DPP6: variants seen among roughly 807,000 people sequenced by gnomAD.
DPP6 encodes the protein A-type potassium channel modulatory protein DPP6.
DPP6 carries 69 observed loss-of-function variants against 122.6 expected under a neutral mutation model. That is an observed-to-expected ratio of 0.56 (90% CI 0.46 to 0.69). DPP6 has a LOEUF of 0.69. Among genes scored for constraint, DPP6 ranks in the 30% least tolerant of loss-of-function variants. DPP6 has a pLI of 0.00. For missense variants in DPP6, 928 were observed against 1,116.9 expected (o/e 0.83, Z 2.41); for synonymous variants, 418 against 433.1 (o/e 0.97, Z 0.43).
chr7:153,808,021 C>G, the DPP6 span, among the ~76,000 whole-genome samples: 5 of 152,046 alleles, frequency 3.3e-5, no homozygotes, highest in Admixed American at 6.5e-5. Flanking sequence ...GAACAGGCTT[C>G]CCACTGGCTC....
At chr7:153,819,825 G>T in the DPP6 span, among the ~76,000 whole-genome samples, 1 of 152,080 alleles carries the variant, frequency 6.6e-6, no homozygotes, top group East Asian at 1.9e-4. Flanking sequence ...AATGTAGTTT[G>T]ATCAGTATTT....
chr7:154,595,799 G>A (rs186918233), intron 5 of DPP6, among the ~76,000 whole-genome samples: 102 of 152,320 alleles, frequency 6.7e-4, no homozygotes, highest in East Asian at 6.0e-3. Context: ...AGTGGCTCAC[G>A]CCTGTAATCC....
At chr7:154,212,019 C>T (rs987647140) in intron 1 of DPP6, among the ~76,000 whole-genome samples, 2 of 152,146 alleles carry the variant, frequency 1.3e-5, no homozygotes, top group African/African-American at 2.4e-5. Flanking sequence ...CACTGGGCAT[C>T]GGGGACAGGC....
intron 6 of DPP6, among the ~76,000 whole-genome samples, chr7:154,640,456 A>G (rs1836003027): frequency 7.5e-6 from 1 of 132,862 alleles, no homozygotes; most frequent in Non-Finnish European, 1.7e-5. Flanking sequence ...TCACCATGTC[A>G]CTGAACACAG....
At chr7:153,998,536 A>T (rs1005648479) in intron 1 of DPP6, among the ~76,000 whole-genome samples, 4 of 152,216 alleles carry the variant, frequency 2.6e-5, no homozygotes, top group African/African-American at 9.6e-5. Context: ...GCTAGACCTT[A>T]GTATCTAGGG....
At chr7:154,317,262 T>C (rs10215728) in intron 1 of DPP6, among the ~76,000 whole-genome samples, 88,673 of 151,526 alleles carry the variant, frequency 0.59, 26,388 homozygotes, top group South Asian at 0.67. Flanking sequence ...TTTGGGAGGC[T>C]GAGGCGGGCG....
At chr7:154,301,583 T>C (rs1201385396) in intron 1 of DPP6, among the ~76,000 whole-genome samples, 6 of 152,148 alleles carry the variant, frequency 3.9e-5, no homozygotes, top group Admixed American at 6.5e-5. Context: ...ATGGCACCGA[T>C]AATGCCCAGG....
chr7:153,783,800 G>A, the DPP6 span, among the ~76,000 whole-genome samples: 1 of 152,156 alleles, frequency 6.6e-6, no homozygotes, highest in Non-Finnish European at 1.5e-5. Context: ...GCACACATAA[G>A]CACCAAGAGA....
At chr7:154,142,329 G>C (rs1398173110) in intron 1 of DPP6, among the ~76,000 whole-genome samples, 3 of 152,166 alleles carry the variant, frequency 2.0e-5, no homozygotes, top group Admixed American at 2.0e-4. Context: ...TTTGGTTTGA[G>C]ATTTGGGTTT....
chr7:154,620,819 G>A (rs1240631037), intron 5 of DPP6, among the ~76,000 whole-genome samples: 2 of 152,118 alleles, frequency 1.3e-5, no homozygotes, highest in Non-Finnish European at 2.9e-5. Flanking sequence ...TTTCCAAATT[G>A]TTTTGGTGGA....
chr7:153,948,486 C>T (rs1697200561), intron 1 of DPP6, among the ~76,000 whole-genome samples: 1 of 152,160 alleles, frequency 6.6e-6, no homozygotes, highest in African/African-American at 2.4e-5. Context: ...AGGAATCACA[C>T]TGGCTTCTGG....
intron 3 of DPP6, among the ~76,000 whole-genome samples, chr7:154,484,036 G>C (rs968735320): frequency 6.6e-6 from 1 of 152,152 alleles, no homozygotes; most frequent in Admixed American, 6.6e-5. Context: ...CAAGGTCAAG[G>C]TTACTTACAC....
intron 1 of DPP6, among the ~76,000 whole-genome samples, chr7:154,392,829 A>T (rs1383093754): frequency 6.6e-6 from 1 of 152,188 alleles, no homozygotes; most frequent in South Asian, 2.1e-4. Context: ...GCAAAATTTC[A>T]AGGCAGGGGG....
At chr7:154,714,076 T>C (rs1586940953) in intron 7 of DPP6, among the ~76,000 whole-genome samples, 2 of 152,366 alleles carry the variant, frequency 1.3e-5, no homozygotes, top group African/African-American at 4.8e-5. Flanking sequence ...GAGTGATCTT[T>C]ACTTCAGTTC....
chr7:154,847,501 T>G (rs1031133122), intron 16 of DPP6, among the ~76,000 whole-genome samples: 3 of 152,194 alleles, frequency 2.0e-5, no homozygotes, highest in African/African-American at 7.2e-5. Flanking sequence ...TTCCCCATAT[T>G]CTTTTATTTT....
At chr7:154,525,380 A>T (rs111918435) in intron 3 of DPP6, among the ~76,000 whole-genome samples, 568 of 151,746 alleles carry the variant, frequency 3.7e-3, no homozygotes, top group Non-Finnish European at 6.5e-3. Context: ...AGGCTCTCAA[A>T]CTCCTGGGCT....
chr7:154,235,805 C>G (rs1295632062), intron 1 of DPP6, among the ~76,000 whole-genome samples: 1 of 152,118 alleles, frequency 6.6e-6, no homozygotes, highest in African/African-American at 2.4e-5. Context: ...GGTGTATTAC[C>G]TGGGCAACTA....
chr7:154,522,603 T>C (rs950723287), intron 3 of DPP6, among the ~76,000 whole-genome samples: 2 of 152,218 alleles, frequency 1.3e-5, no homozygotes, highest in African/African-American at 4.8e-5. Flanking sequence ...AAACTTGCTC[T>C]TTTGAAAGAA....
the DPP6 span, among the ~76,000 whole-genome samples, chr7:153,876,282 A>G: frequency 2.0e-5 from 3 of 152,050 alleles, no homozygotes; most frequent in Non-Finnish European, 4.4e-5. Flanking sequence ...GAAAATCACA[A>G]TGAGCTAACT....
Sources: allele counts gnomAD v4.1 joint callset (sites outside exome capture counted in the v4.1 genomes callset), GRCh38; gene constraint gnomAD v4.1.1; transcripts MANE v1.5; gene names NCBI Gene and HGNC (gene_info 2026-07-23, HGNC 2026-07-21).